The following GTF2IRD1 variants were observed in gnomAD, a reference collection of about 807,000 sequenced individuals.
GTF2IRD1 encodes general transcription factor II-I repeat domain-containing protein 1.
In GTF2IRD1, 26 loss-of-function variants were observed where a neutral mutation model predicts 113.2. The observed-to-expected ratio is 0.23, with a 90% CI of 0.17 to 0.32. GTF2IRD1 has a LOEUF of 0.32. Among genes scored for constraint, GTF2IRD1 ranks in the 10% least tolerant of loss-of-function variants. The probability of loss-of-function intolerance (pLI) is 1.00; values close to 1 mark genes in which losing one functional copy is unlikely to be tolerated. For synonymous variants in GTF2IRD1, 484 were observed against 529.1 expected, an observed-to-expected ratio of 0.91 and a Z score of 1.17; for missense variants, 864 against 1,280.8, an observed-to-expected ratio of 0.67 and a Z score of 4.97.
intron 1 of GTF2IRD1, among the ~76,000 whole-genome samples, chr7:74,468,676 CTGTGTGTGTGTGTGTGTGTGTGTGTGTG>C (rs61694825): frequency 1.5e-5 from 2 of 129,400 alleles, no homozygotes; most frequent in African/African-American, 6.0e-5. Flanking sequence ...AAAAAAAAAA[CTGTGTGTGTGTGTGTGTGTGTGTGTGTG>C]TGTGTGTGTG....
At chr7:74,598,059 C>CA (rs2131069356) in intron 25 of GTF2IRD1, among the ~76,000 whole-genome samples, 1 of 152,066 alleles carries the variant, frequency 6.6e-6, no homozygotes, top group Non-Finnish European at 1.5e-5. Context: ...TCCGTCTCTG[C>CA]AAAAAAATTA....
At chr7:74,597,061 G>A (rs1182785287) in intron 25 of GTF2IRD1, among the ~76,000 whole-genome samples, 3 of 149,786 alleles carry the variant, frequency 2.0e-5, no homozygotes, top group African/African-American at 7.4e-5. Flanking sequence ...TTTTTTTTCC[G>A]AGACAGCGTC....
chr7:74,515,286 C>T, intron 3 of GTF2IRD1, 155 bp from the exon 4 acceptor site: 1 of 1,477,884 alleles, frequency 6.8e-7, no homozygotes, highest in Non-Finnish European at 9.1e-7. Context: ...TGGAATAGGG[C>T]TTGCTCACTC....
chr7:74,583,958 T>C (rs1275588786), intron 22 of GTF2IRD1, among the ~76,000 whole-genome samples: 3 of 152,000 alleles, frequency 2.0e-5, no homozygotes, highest in Non-Finnish European at 2.9e-5. Context: ...CTCTGGGAAG[T>C]CCTCCCTGAC....
chr7:74,587,885 G>C (rs1801810797), intron 22 of GTF2IRD1, among the ~76,000 whole-genome samples: 1 of 152,152 alleles, frequency 6.6e-6, no homozygotes, highest in Non-Finnish European at 1.5e-5. Flanking sequence ...TACCTGGGCA[G>C]TGAGCAGGGA....
chr7:74,557,955 C>A (rs142868772), intron 20 of GTF2IRD1, among the ~76,000 whole-genome samples: 1 of 152,110 alleles, frequency 6.6e-6, no homozygotes, highest in Non-Finnish European at 1.5e-5. Flanking sequence ...AGGTGAGATA[C>A]ACTTTCAAGA....
chr7:74,574,254 G>A (rs587710110), intron 22 of GTF2IRD1, among the ~76,000 whole-genome samples: 36 of 144,892 alleles, frequency 2.5e-4, no homozygotes, highest in African/African-American at 8.2e-4. Flanking sequence ...CACCTGCCTC[G>A]ACCTCCCAAA....
chr7:74,583,371 CTTT>C (rs1168890388), intron 22 of GTF2IRD1, among the ~76,000 whole-genome samples: 1 of 122,316 alleles, frequency 8.2e-6, no homozygotes, highest in African/African-American at 3.1e-5. Context: ...CTTTTTTTTT[CTTT>C]TTTTTTTTTT....
At chr7:74,478,645 G>A (rs922264779) in intron 1 of GTF2IRD1, among the ~76,000 whole-genome samples, 1 of 151,566 alleles carries the variant, frequency 6.6e-6, no homozygotes, top group South Asian at 2.1e-4. Flanking sequence ...TAGTAGAGAT[G>A]GGGTTTCACC....
At chr7:74,507,356 C>G (rs782032753) in intron 1 of GTF2IRD1, 1 of 152,164 alleles carries the variant, frequency 6.6e-6, no homozygotes, top group Non-Finnish European at 1.5e-5. Flanking sequence ...CCTGTAATCC[C>G]AGCTACCCGG....
chr7:74,537,915 C>G (rs1554350598), intron 11 of GTF2IRD1, among the ~76,000 whole-genome samples: 1 of 152,270 alleles, frequency 6.6e-6, no homozygotes, highest in African/African-American at 2.4e-5. Flanking sequence ...GTGCCTGGCT[C>G]GGCCACCCCT....
At chr7:74,467,562 G>A (rs1156388606) in intron 1 of GTF2IRD1, among the ~76,000 whole-genome samples, 1 of 148,874 alleles carries the variant, frequency 6.7e-6, no homozygotes, top group African/African-American at 2.5e-5. Flanking sequence ...GTGCAGTGGC[G>A]TGATCTTGGC....
chr7:74,600,768 G>A (rs1802709563), intron 25 of GTF2IRD1, among the ~76,000 whole-genome samples: 1 of 152,132 alleles, frequency 6.6e-6, no homozygotes, highest in Non-Finnish European at 1.5e-5. Context: ...TGGGGAGGAG[G>A]AGGGACACAT....
chr7:74,479,366 A>G (rs1554334135), intron 1 of GTF2IRD1, among the ~76,000 whole-genome samples: 1 of 46,872 alleles, frequency 2.1e-5, no homozygotes, highest in Admixed American at 2.3e-4. Flanking sequence ...ACCCACTCCC[A>G]CAGCCTCTGG....
chr7:74,600,212 T>C (rs1353496777), intron 25 of GTF2IRD1, among the ~76,000 whole-genome samples: 2 of 152,006 alleles, frequency 1.3e-5, no homozygotes, highest in East Asian at 1.9e-4. Flanking sequence ...GGAGGATTGC[T>C]TGAGGTTGGG....
intron 25 of GTF2IRD1, among the ~76,000 whole-genome samples, chr7:74,595,331 G>T (rs587682644): frequency 6.6e-6 from 1 of 151,350 alleles, no homozygotes; most frequent in African/African-American, 2.4e-5. Flanking sequence ...GCGTGAACCC[G>T]GGAGGCAGAG....
rs782040179 is a variant in GTF2IRD1 at position 74,519,429 on chromosome 7, G to A, written c.626G>A (p.Arg209Gln). The change falls in exon 6 of 27, where the codon CGG becomes CAG. Residue 209 changes from arginine (R) to glutamine (Q), a missense_variant. By Grantham distance (43) the Arg-to-Gln change is conservative. This residue lies in a region of GTF2IRD1 where 195 missense variants were observed against 196.6 expected (regional missense o/e 0.99). Coordinates refer to ENST00000424337, the MANE Select transcript of GTF2IRD1 (RefSeq NM_005685.4). Reference sequence around the variant, plus strand: ...CTCAGGCCACTTGAGGATGGCGGGCGGGACTCGAAGGCCCTGGTGGAGCTG... The same window carrying A: ...CTCAGGCCACTTGAGGATGGCGGGCAGGACTCGAAGGCCCTGGTGGAGCTG... ...KLKRPLEDGG[R>Q]DSKALVELNG... 7.9e-5 allele frequency: 121 copies of A among 1,532,310 alleles called. No individual in the cohort carries two copies. Among genetic ancestry groups the A allele is most frequent in the Middle Eastern group, 1.8e-4 (1 of 5,688 alleles). The allele number at this position is 1,532,310 out of a possible 1,614,324, so 94.9% of individuals were successfully genotyped here. A position where few individuals can be genotyped will look rare whatever the true frequency, so the allele number is the denominator to read the frequency against.
At chr7:74,497,827 C>T (rs1335290888) in intron 1 of GTF2IRD1, among the ~76,000 whole-genome samples, 2 of 152,222 alleles carry the variant, frequency 1.3e-5, no homozygotes, top group Non-Finnish European at 2.9e-5. Context: ...GCCTCAGCCT[C>T]CCAAGTAGCT....
At chr7:74,585,558 A>G (rs1378634195) in intron 22 of GTF2IRD1, among the ~76,000 whole-genome samples, 1 of 152,094 alleles carries the variant, frequency 6.6e-6, no homozygotes, top group Non-Finnish European at 1.5e-5. Context: ...AGAGGAAACT[A>G]TCTTAAAGAT....
Sources: gnomAD v4.1 joint callset for allele counts (sites outside exome capture counted in the v4.1 genomes callset) on GRCh38, gnomAD v4.1.1 for gene constraint, gnomAD v4.1.1 regional missense constraint, MANE v1.5 for transcripts, NCBI Gene and HGNC (gene_info 2026-07-23, HGNC 2026-07-21) for gene names.